Variants in CECR2 observed in about 807,000 individuals in gnomAD.
The protein encoded by CECR2 is CECR2 histone acetyl-lysine reader, also known as chromatin remodeling regulator CECR2.
CECR2 carries 30 observed loss-of-function variants against 154.5 expected under a neutral mutation model. The observed-to-expected ratio is 0.19, with a 90% CI of 0.15 to 0.26. CECR2 has a LOEUF of 0.26. Among genes scored for constraint, CECR2 ranks in the 10% least tolerant of loss-of-function variants. The probability of loss-of-function intolerance (pLI) is 1.00; values close to 1 mark genes in which losing one functional copy is unlikely to be tolerated. For missense variants in CECR2, 1,743 were observed against 1,829.3 expected (o/e 0.95, Z 0.86); for synonymous variants, 725 against 683.7 (o/e 1.06, Z -0.94).
chr22:17,532,242 A>T (rs2056366826), intron 9 of CECR2, among the ~76,000 whole-genome samples: 1 of 152,186 alleles, frequency 6.6e-6, no homozygotes, highest in South Asian at 2.1e-4. Context: ...ATAACAACCT[A>T]CATTAACCAG....
intron 16 of CECR2, among the ~76,000 whole-genome samples, chr22:17,546,056 T>TA (rs1569156608): frequency 6.6e-6 from 1 of 151,224 alleles, no homozygotes; most frequent in Non-Finnish European, 1.5e-5. Context: ...CCGACTCTTT[T>TA]AAAAAAAGAA....
chr22:17,481,546 TCC>T (rs2055318750), intron 2 of CECR2, among the ~76,000 whole-genome samples: 1 of 152,112 alleles, frequency 6.6e-6, no homozygotes, highest in Non-Finnish European at 1.5e-5. Context: ...AGTGTCTGTA[TCC>T]TTTTCCGTTG....
intron 1 of CECR2, among the ~76,000 whole-genome samples, chr22:17,385,176 A>C (rs1192799762): frequency 6.6e-6 from 1 of 152,188 alleles, no homozygotes; most frequent in Non-Finnish European, 1.5e-5. Flanking sequence ...ATCAGTAATA[A>C]GGCTGTTTTG....
At chr22:17,420,940 C>T (rs2054236464) in intron 1 of CECR2, among the ~76,000 whole-genome samples, 1 of 152,114 alleles carries the variant, frequency 6.6e-6, no homozygotes, top group African/African-American at 2.4e-5. Context: ...ATTATGAGGA[C>T]CTCGTAATAA....
At chr22:17,505,658 T>G (rs768028768) in intron 7 of CECR2, among the ~76,000 whole-genome samples, 1 of 148,520 alleles carries the variant, frequency 6.7e-6, no homozygotes, top group Non-Finnish European at 1.5e-5. Flanking sequence ...CTCAGCCTCC[T>G]GAGTAGCTGG....
chr22:17,402,386 G>T (rs2146537245), intron 1 of CECR2, among the ~76,000 whole-genome samples: 1 of 152,290 alleles, frequency 6.6e-6, no homozygotes, highest in South Asian at 2.1e-4. Flanking sequence ...GTATATCAGG[G>T]CTCAGCAAAC....
chr22:17,375,295 G>A (rs2063104955), intron 1 of CECR2, among the ~76,000 whole-genome samples: 5 of 151,792 alleles, frequency 3.3e-5, no homozygotes, highest in Admixed American at 3.3e-4. Flanking sequence ...TGTGTTTTTA[G>A]TACAGACGGG....
At chr22:17,429,577 A>T (rs1244526046) in intron 1 of CECR2, among the ~76,000 whole-genome samples, 1 of 152,002 alleles carries the variant, frequency 6.6e-6, no homozygotes, top group Non-Finnish European at 1.5e-5. Context: ...AAAAGAAAAA[A>T]GAGATCTCAC....
chr22:17,414,027 T>C lies in CECR2; in HGVS notation c.126+44118T>C, dbSNP rs548141020. 1.9e-3 allele frequency among the ~76,000 whole-genome samples: 266 copies of C among 143,200 alleles called. 1 individual carries two copies. The highest frequency in any genetic ancestry group is 2.5e-3 in the Admixed American group (35 of 14,228). The allele number at this position is 143,200 out of a possible 152,430, so 93.9% of individuals were successfully genotyped here. A position where few individuals can be genotyped will look rare whatever the true frequency, so the allele number is the denominator to read the frequency against. On this transcript the variant is annotated intron_variant, in intron 1 of 18. Coordinates refer to ENST00000262608, the MANE Select transcript of CECR2 (RefSeq NM_001290047.2). Reference sequence around the variant, plus strand: ...TTGCTCTGTCACCCAGGCTGGAGTGTGGTGGTGCAATCTCCGCTCACTGCA... The same window carrying C: ...TTGCTCTGTCACCCAGGCTGGAGTGCGGTGGTGCAATCTCCGCTCACTGCA...
intron 1 of CECR2, among the ~76,000 whole-genome samples, chr22:17,414,116 G>GCA (rs1433469628): frequency 4.6e-5 from 7 of 151,900 alleles, no homozygotes; most frequent in African/African-American, 7.3e-5. Context: ...GGGACTACAG[G>GCA]TGCCTGCCAC....
chr22:17,470,913 C>T (rs2146770089), intron 1 of CECR2, among the ~76,000 whole-genome samples: 1 of 152,258 alleles, frequency 6.6e-6, no homozygotes, highest in Non-Finnish European at 1.5e-5. Flanking sequence ...TGGTGACTCC[C>T]CAGTACTTAA....
intron 13 of CECR2, among the ~76,000 whole-genome samples, chr22:17,540,194 A>G (rs557035315): frequency 6.6e-6 from 1 of 152,264 alleles, no homozygotes; most frequent in South Asian, 2.1e-4. Flanking sequence ...CATCTTACAG[A>G]TAGAAACCAC....
intron 1 of CECR2, among the ~76,000 whole-genome samples, chr22:17,433,417 T>C (rs1236280115): frequency 6.6e-6 from 1 of 152,180 alleles, no homozygotes; most frequent in African/African-American, 2.4e-5. Flanking sequence ...TAGAGTTACA[T>C]TCTCCCCTGT....
At chr22:17,515,064 T>G (rs1001709629) in intron 8 of CECR2, among the ~76,000 whole-genome samples, 9 of 151,224 alleles carry the variant, frequency 6.0e-5, no homozygotes, top group Non-Finnish European at 1.2e-4. Flanking sequence ...GTTCACAACA[T>G]AGATTTTTTT....
At position 17,413,898 on chromosome 22, in the gene CECR2, C is replaced by A. The variant is rs575318363; in HGVS notation, c.126+43989C>A. 4.7e-5 allele frequency among the ~76,000 whole-genome samples: 7 copies of A among 149,738 alleles called. No individual in the cohort carries two copies. In the East Asian group the frequency reaches 1.4e-3, roughly 30 times the overall value. On this transcript the variant is annotated intron_variant, in intron 1 of 18. Transcript: ENST00000262608. ...TTCACCATGGTAGCCAGGATGGTCT[C>A]GATCACCTGACCTTGTGATCCGCCC... is the stretch of plus-strand genomic sequence containing the variant.
chr22:17,477,360 TG>T (rs1569107241), intron 1 of CECR2, among the ~76,000 whole-genome samples: 1 of 152,048 alleles, frequency 6.6e-6, no homozygotes, highest in Non-Finnish European at 1.5e-5. Context: ...GTAAGAGGAA[TG>T]GGGTTGGGGA....
chr22:17,476,399 T>C (rs142453545), intron 1 of CECR2, among the ~76,000 whole-genome samples: 2 of 152,052 alleles, frequency 1.3e-5, no homozygotes, highest in African/African-American at 4.8e-5. Context: ...GTAGCTGGGA[T>C]CACAGGTGCG....
chr22:17,417,254 A>G (rs2054170439), intron 1 of CECR2, among the ~76,000 whole-genome samples: 1 of 152,226 alleles, frequency 6.6e-6, no homozygotes, highest in Non-Finnish European at 1.5e-5. Flanking sequence ...TCTTTATAAC[A>G]ACTTAAAAAG....
At chr22:17,442,040 A>G (rs2054592323) in intron 1 of CECR2, among the ~76,000 whole-genome samples, 1 of 152,226 alleles carries the variant, frequency 6.6e-6, no homozygotes, top group African/African-American at 2.4e-5. Context: ...TTCTACTAGA[A>G]TCAAACTCTG....
Sources: allele counts gnomAD v4.1 joint callset (sites outside exome capture counted in the v4.1 genomes callset), GRCh38; gene constraint gnomAD v4.1.1; transcripts MANE v1.5; gene names NCBI Gene and HGNC (gene_info 2026-07-23, HGNC 2026-07-21).